The following NDST3 variants were observed in gnomAD, a reference collection of about 807,000 sequenced individuals.
The protein encoded by NDST3 is N-deacetylase and N-sulfotransferase 3.
In NDST3, 58 loss-of-function variants were observed where a neutral mutation model predicts 96.1. That is an observed-to-expected ratio of 0.60 (90% CI 0.49 to 0.75). The LOEUF (loss-of-function observed/expected upper bound fraction) is 0.75, where lower values mean the gene tolerates loss of function less well. Ranked by LOEUF, NDST3 falls within the 30% of genes least tolerant of loss-of-function variation. The probability of loss-of-function intolerance (pLI) is 0.00; values close to 1 mark genes in which losing one functional copy is unlikely to be tolerated. For synonymous variants in NDST3, 333 were observed against 359.7 expected (o/e 0.93, Z 0.84); for missense variants, 788 against 1,034.2 (o/e 0.76, Z 3.27).
Position 118,204,958 on chromosome 4 carries a change from A to G in NDST3, c.1540-19533A>G, listed in dbSNP as rs982924128. Reference sequence around the variant, plus strand: ...GATTTTCTTAGTATTCACTCACTCTATATCTGTGTACAAGTAATTGGCTTA... The same window carrying G: ...GATTTTCTTAGTATTCACTCACTCTGTATCTGTGTACAAGTAATTGGCTTA... On this transcript the variant is annotated intron_variant, in intron 6 of 13. Coordinates refer to ENST00000296499, the MANE Select transcript of NDST3 (RefSeq NM_004784.3). Among the ~76,000 whole-genome samples the G allele has an allele frequency of 5.5e-5, 8 of 144,520 alleles. 1 individual carries two copies. The highest frequency in any genetic ancestry group is 2.1e-4 in the Admixed American group (3 of 14,610). 94.8% of individuals were successfully genotyped at this position (144,520 alleles called of 152,430 possible).
chr4:118,096,704 T>C (rs1334654772), intron 2 of NDST3, among the ~76,000 whole-genome samples: 1 of 149,922 alleles, frequency 6.7e-6, no homozygotes, highest in Non-Finnish European at 1.5e-5. Flanking sequence ...GATAGATAGA[T>C]AGATAGACAG....
chr4:118,046,350 T>C (rs1190079918), intron 1 of NDST3, among the ~76,000 whole-genome samples: 1 of 152,222 alleles, frequency 6.6e-6, no homozygotes, highest in Non-Finnish European at 1.5e-5. Flanking sequence ...CCTTTGTACA[T>C]GGTGCAGCTC....
At chr4:118,058,630 TGTGTGCGCGCGC>T (rs1489376019) in intron 2 of NDST3, among the ~76,000 whole-genome samples, 2 of 55,578 alleles carry the variant, frequency 3.6e-5, no homozygotes, top group Non-Finnish European at 4.5e-5. Flanking sequence ...TGTGTGTGTG[TGTGTGCGCGCGC>T]GCGCACGCAT....
intron 12 of NDST3, among the ~76,000 whole-genome samples, chr4:118,250,331 T>A (rs1366997806): frequency 6.6e-6 from 1 of 152,248 alleles, no homozygotes; most frequent in African/African-American, 2.4e-5. Context: ...TTTGCCAACA[T>A]GGGATATTTT....
chr4:118,225,606 G>A (rs982192988), intron 7 of NDST3, among the ~76,000 whole-genome samples: 1 of 152,112 alleles, frequency 6.6e-6, no homozygotes, highest in African/African-American at 2.4e-5. Flanking sequence ...TGTTCTAAAC[G>A]CTACTAGAGT....
intron 6 of NDST3, among the ~76,000 whole-genome samples, chr4:118,188,220 C>T (rs952859434): frequency 6.6e-5 from 10 of 150,948 alleles, no homozygotes; most frequent in African/African-American, 2.4e-4. Context: ...ACAAACCAAA[C>T]ATTGATCATA....
intron 6 of NDST3, among the ~76,000 whole-genome samples, chr4:118,165,574 C>A (rs146308609): frequency 6.6e-6 from 1 of 152,024 alleles, no homozygotes; most frequent in Non-Finnish European, 1.5e-5. Context: ...ATTGACCTGG[C>A]CAACTGATAC....
In NDST3 at chr4:118,225,607, C is replaced by T. The variant is rs28631152; in HGVS notation, c.1722+934C>T. On this transcript the variant is annotated intron_variant, in intron 7 of 13. Coordinates refer to ENST00000296499, the MANE Select transcript of NDST3 (RefSeq NM_004784.3). ...TACTTCTTAATCACTGTTCTAAACG[C>T]TACTAGAGTTACAGACAGAGCTGAT... Among the ~76,000 whole-genome samples, 284 of 152,268 alleles carry T rather than the reference C, an allele frequency of 1.9e-3. 4 individuals carry two copies. Among genetic ancestry groups the T allele is most frequent in the African/African-American group, 6.4e-3 (267 of 41,568 alleles).
In NDST3 at chr4:118,054,622, G is replaced by GT. The variant is rs1351870000; in HGVS notation, c.713dup (p.Thr240AspfsTer11). 1.2e-6 allele frequency: 2 copies of GT among 1,613,228 alleles called. No individual in the cohort carries two copies. On this transcript the variant is annotated frameshift_variant, in exon 2 of 14. Coordinates refer to ENST00000296499, the MANE Select transcript of NDST3 (RefSeq NM_004784.3). LOFTEE classifies it high-confidence loss of function. Reference sequence around the variant, plus strand: ...CTATCAACCAGTAATATTTGCCAAAGTAAAGACCCCAGAAAACCTTTCTCC... The same window carrying GT: ...CTATCAACCAGTAATATTTGCCAAAGTTAAAGACCCCAGAAAACCTTTCTCC...
Position 118,204,304 on chromosome 4 carries a change from C to G in NDST3, c.1540-20187C>G, listed in dbSNP as rs549986741. 7.6e-4 allele frequency among the ~76,000 whole-genome samples: 80 copies of G among 104,614 alleles called. 8 individuals carry two copies. Among genetic ancestry groups the G allele is most frequent in the African/African-American group, 2.9e-3 (80 of 28,038 alleles). The allele number at this position is 104,614 out of a possible 152,430, so 68.6% of individuals were successfully genotyped here. A position where few individuals can be genotyped will look rare whatever the true frequency, so the allele number is the denominator to read the frequency against. ...CCATCTGTTTAAAAAAAAAAAAAAG[C>G]CTTAGACAAATTAAACTTCACAGAG... On this transcript the variant is annotated intron_variant, in intron 6 of 13. Transcript: ENST00000296499.
rs144357310 is a variant in NDST3, at chr4:118,258,397, T to C, written c.*2685T>C. On this transcript the variant is annotated 3_prime_UTR_variant, in exon 14 of 14. Transcript: ENST00000296499. The stretch of plus-strand genomic sequence containing the variant: ...GAGAGAATAATGAGAGATAATCTGA[T>C]TTAAAACTAGCTTTGTATAGAATTC... The C allele has an allele frequency of 1.8e-4, 28 of 152,318 alleles. 1 individual carries two copies. The highest frequency in any genetic ancestry group is 3.8e-4 in the Non-Finnish European group (26 of 68,020). The allele number at this position is 152,318 out of a possible 1,614,324, so 9.4% of individuals were successfully genotyped here. A position where few individuals can be genotyped will look rare whatever the true frequency, so the allele number is the denominator to read the frequency against.
chr4:118,157,895 C>T (rs1578742087), intron 6 of NDST3, among the ~76,000 whole-genome samples: 1 of 151,990 alleles, frequency 6.6e-6, no homozygotes, highest in African/African-American at 2.4e-5. Flanking sequence ...ATTTTGAGTA[C>T]AGTATTCTAA....
intron 4 of NDST3, among the ~76,000 whole-genome samples, chr4:118,119,763 C>T (rs1263131954): frequency 1.3e-5 from 2 of 152,054 alleles, no homozygotes; most frequent in African/African-American, 4.8e-5. Context: ...AATACTTTAC[C>T]CCTATCCTGC....
chr4:118,203,860 A>AT (rs1738257198), intron 6 of NDST3, among the ~76,000 whole-genome samples: 1 of 152,102 alleles, frequency 6.6e-6, no homozygotes, highest in Non-Finnish European at 1.5e-5. Context: ...TTAGCCAATA[A>AT]TTTTTTCCTA....
intron 4 of NDST3, among the ~76,000 whole-genome samples, chr4:118,124,605 T>C (rs1731887421): frequency 6.6e-6 from 1 of 152,074 alleles, no homozygotes; most frequent in Non-Finnish European, 1.5e-5. Flanking sequence ...CTCTTCATGA[T>C]AGTATCCTAC....
chr4:118,179,334 A>G (rs573202770), intron 6 of NDST3, among the ~76,000 whole-genome samples: 170 of 152,220 alleles, frequency 1.1e-3, no homozygotes, highest in Non-Finnish European at 1.6e-3. Context: ...TTAGTACTGC[A>G]TAAGAAAACA....
chr4:118,243,060 G>A (rs1389706319), intron 12 of NDST3, among the ~76,000 whole-genome samples: 1 of 151,874 alleles, frequency 6.6e-6, no homozygotes, highest in Non-Finnish European at 1.5e-5. Context: ...GTTGGATTGG[G>A]TCATGGACCT....
intron 12 of NDST3, among the ~76,000 whole-genome samples, chr4:118,245,788 T>G (rs910607880): frequency 1.3e-5 from 2 of 151,998 alleles, no homozygotes; most frequent in African/African-American, 4.8e-5. Context: ...GTCCTATATA[T>G]CTCTCTCTCT....
At chr4:118,068,902 A>AT (rs1264938893) in intron 2 of NDST3, among the ~76,000 whole-genome samples, 1 of 152,130 alleles carries the variant, frequency 6.6e-6, no homozygotes, top group African/African-American at 2.4e-5. Flanking sequence ...ACATTTAGTT[A>AT]TTTTGAACCA....
Sources: gnomAD v4.1 joint callset for allele counts (sites outside exome capture counted in the v4.1 genomes callset) on GRCh38, gnomAD v4.1.1 for gene constraint, MANE v1.5 for transcripts, NCBI Gene and HGNC (gene_info 2026-07-23, HGNC 2026-07-21) for gene names.